KHNYN: variants seen among roughly 807,000 people sequenced by gnomAD.
KHNYN encodes the protein KH and NYN domain containing, also known as protein KHNYN.
KHNYN carries 42 observed loss-of-function variants against 62.7 expected under a neutral mutation model. That is an observed-to-expected ratio of 0.67 (90% confidence interval 0.52 to 0.87). The LOEUF (loss-of-function observed/expected upper bound fraction) is 0.87, where lower values mean the gene tolerates loss of function less well. KHNYN is among the 40% of genes least tolerant of loss of function. KHNYN has a pLI of 0.00. For synonymous variants in KHNYN, 347 were observed against 345.6 expected, an observed-to-expected ratio of 1.00 and a Z score of -0.04; for missense variants, 829 against 874.1, an observed-to-expected ratio of 0.95 and a Z score of 0.65.
chr14:24,436,558 T>C, intron 7 of KHNYN, 69 bp downstream of exon 7: 1 of 1,189,178 alleles, frequency 8.4e-7, no homozygotes, highest in Non-Finnish European at 1.2e-6. Flanking sequence ...GCCCAGAGAC[T>C]TGGGTGGAAG....
chr14:24,428,746 G>A (rs1171692845), upstream of KHNYN: 2 of 1,573,524 alleles, frequency 1.3e-6, no homozygotes, highest in Non-Finnish European at 1.7e-6. Flanking sequence ...ACAGGGGTAG[G>A]GGGATTACCT....
Position 24,441,289 on chromosome 14 carries a change from A to T in KHNYN, c.*4004A>T. 2.2e-6 allele frequency: 1 copy of T among 448,404 alleles called. No individual in the cohort carries two copies. Among genetic ancestry groups the T allele is most frequent in the South Asian group, 2.2e-5 (1 of 46,120 alleles). 27.8% of individuals were successfully genotyped at this position (448,404 alleles called of 1,614,324 possible). A position where few individuals can be genotyped will look rare whatever the true frequency, so the allele number is the denominator to read the frequency against. The stretch of plus-strand genomic sequence containing the variant: ...CTTTAAAATGGGAATAATAGTACCT[A>T]CCTCATAGGGTTGTTGTAAGGAATA... On this transcript the variant is annotated 3_prime_UTR_variant, in exon 8 of 8. Transcript: ENST00000553935.
upstream of KHNYN, chr14:24,428,393 C>T (rs746616266): frequency 1.5e-5 from 25 of 1,613,744 alleles, no homozygotes; most frequent in East Asian, 1.6e-4. Flanking sequence ...CCACCGCCCT[C>T]GTTCACCAGG....
chr14:24,432,297 C>T lies in KHNYN; in HGVS notation c.1036C>T (p.Arg346Trp), dbSNP rs372548430. The stretch of plus-strand genomic sequence containing the variant: ...GTCCCGAGGAGCCTCCCTCCTCCAG[C>T]GGCTCCACAATGGGAATGCCTCTCC... ...AQSRGASLLQ[R>W]LHNGNASPPR... The change falls in exon 3 of 8, where the codon CGG becomes TGG. Residue 346 changes from arginine to tryptophan, a missense_variant. By Grantham distance (101) the Arg-to-Trp change is moderately radical (BLOSUM62 -3). Coordinates refer to ENST00000553935, the MANE Select transcript of KHNYN (RefSeq NM_015299.3). The surrounding 1 kb of genome is among the most constrained non-coding windows in gnomAD (Gnocchi z 5.6). 3.7e-6 allele frequency: 6 copies of T among 1,614,008 alleles called. No individual in the cohort carries two copies. The highest frequency in any genetic ancestry group is 2.2e-5 in the East Asian group (1 of 44,866).
chr14:24,437,374 T>G lies in KHNYN; in HGVS notation c.*89T>G. 1.4e-6 allele frequency: 2 copies of G among 1,474,384 alleles called. No individual in the cohort carries two copies. The highest frequency in any genetic ancestry group is 1.8e-6 in the Non-Finnish European group (2 of 1,094,606). The allele number at this position is 1,474,384 out of a possible 1,614,324, so 91.3% of individuals were successfully genotyped here. On this transcript the variant is annotated 3_prime_UTR_variant, in exon 8 of 8. Transcript: ENST00000553935. The surrounding 1 kb of genome is among the most constrained non-coding windows in gnomAD (Gnocchi z 5.5). ...GTGAGAGTCCCTCTGCTGCTCACTC[T>G]GATCCAGAGGCACCCTGAGTTGGTG... is the stretch of plus-strand genomic sequence containing the variant.
upstream of KHNYN, chr14:24,429,760 G>A (rs1362169775): frequency 4.1e-6 from 4 of 985,326 alleles, no homozygotes; most frequent in African/African-American, 5.2e-5. Flanking sequence ...CAGAATGCGC[G>A]AGGACCCTGA....
chr14:24,439,981 A>G lies in KHNYN; in HGVS notation c.*2696A>G. 1 of 949,338 alleles carries G rather than the reference A, an allele frequency of 1.1e-6. No homozygotes were observed. Among genetic ancestry groups the G allele is most frequent in the East Asian group, 2.6e-5 (1 of 38,096 alleles). The allele number at this position is 949,338 out of a possible 1,614,324, so 58.8% of individuals were successfully genotyped here. A position where few individuals can be genotyped will look rare whatever the true frequency, so the allele number is the denominator to read the frequency against. On this transcript the variant is annotated 3_prime_UTR_variant, in exon 8 of 8. Coordinates refer to ENST00000553935, the MANE Select transcript of KHNYN (RefSeq NM_015299.3). ...GGAAAGAGGACTGGGAGAGGAATCT[A>G]AGAACCAGATGGCTTCAGCTCTCTA...
In KHNYN at chr14:24,431,938, CT is replaced by C; in HGVS notation, c.678del (p.Pro228LeufsTer75). 6.2e-7 allele frequency: 1 copy of C among 1,613,630 alleles called. No homozygotes were observed. Among genetic ancestry groups the C allele is most frequent in the South Asian group, 1.1e-5 (1 of 91,070 alleles). On this transcript the variant is annotated frameshift_variant, in exon 3 of 8. Transcript: ENST00000553935. LOFTEE classifies it high-confidence loss of function. ...GGTGCTCAGTGCCAAGGAGTGAGAG[CT>C]CCCCCTAGTGACGGCAGGGAGTCCC... is the stretch of plus-strand genomic sequence containing the variant. ...LLGAQCQGVR[A>X]PPSDGRESLD...
rs766515388 is a variant in KHNYN, at chr14:24,431,546, C to T, written c.285C>T (p.Ala95=). The change falls in exon 3 of 8, where the codon GCC becomes GCT. Residue 95 remains alanine, a synonymous_variant. Transcript: ENST00000553935. ...PPKLHCIFLG[A]QGFFLDCLAW... ...AACTGCACTGCATCTTTCTGGGAGC[C>T]CAGGGCTTCTTCCTTGACTGCCTGG... 1 of 1,612,288 alleles carries T rather than the reference C, an allele frequency of 6.2e-7. No individual in the cohort carries two copies. The highest frequency in any genetic ancestry group is 1.3e-5 in the African/African-American group (1 of 74,902).
At position 24,436,507 on chromosome 14, in the gene KHNYN, C is replaced by G; in HGVS notation, c.1787+18C>G. 6.3e-7 allele frequency: 1 copy of G among 1,582,248 alleles called. No homozygotes were observed. The highest frequency in any genetic ancestry group is 8.6e-7 in the Non-Finnish European group (1 of 1,156,812). On this transcript the variant is annotated intron_variant, in intron 7 of 7. Transcript: ENST00000553935. ...CCAGCCAGGTAATCAATCCCCTAGA[C>G]TACTTACAGGCAGCCCCCACCCCTG...
Position 24,440,131 on chromosome 14 carries a change from C to G in KHNYN, c.*2846C>G. 1 of 1,612,682 alleles carries G rather than the reference C, an allele frequency of 6.2e-7. No individual in the cohort carries two copies. Among genetic ancestry groups the G allele is most frequent in the African/African-American group, 1.3e-5 (1 of 75,062 alleles). ...CAGCCCCTAGCTCTGGGAAGGAATA[C>G]TGGTAGCCAGTGGCCAGTGTTCGCT... On this transcript the variant is annotated 3_prime_UTR_variant, in exon 8 of 8. Transcript: ENST00000553935.
chr14:24,428,692 A>G, upstream of KHNYN: 1 of 1,501,148 alleles, frequency 6.7e-7, no homozygotes, highest in Non-Finnish European at 9.0e-7. Context: ...GTGGGCTTGG[A>G]CAGTTGCTTC....
In KHNYN at chr14:24,436,422, A is replaced by G. The variant is rs553475678; in HGVS notation, c.1720A>G (p.Met574Val). The G allele has an allele frequency of 6.2e-7, 1 of 1,613,850 alleles. No homozygotes were observed. The highest frequency in any genetic ancestry group is 8.5e-7 in the Non-Finnish European group (1 of 1,179,944). The change falls in exon 7 of 8, where the codon ATG (methionine) becomes GTG (valine). Residue 574 changes from methionine to valine, a missense_variant. By Grantham distance (21) the Met-to-Val change is conservative. Transcript: ENST00000553935. ...LPFTFVGNLF[M>V]VPDDPLGRNG... ...CTTTACCTTTGTGGGAAACCTCTTC[A>G]TGGTACCTGATGACCCACTGGGGCG...
chr14:24,428,117 T>C (rs1032347786), upstream of KHNYN: 24 of 1,317,198 alleles, frequency 1.8e-5, no homozygotes, highest in Non-Finnish European at 2.4e-5. Context: ...GCGGCCAGCA[T>C]TGGACTCTGC....
At chr14:24,426,837 G>C (rs149547263), upstream of KHNYN, 1 of 152,482 alleles carries the variant, frequency 6.6e-6, no homozygotes, top group East Asian at 1.9e-4. Context: ...CACAGATCAG[G>C]AGAAAGAGAG....
chr14:24,440,174 C>T lies in KHNYN; in HGVS notation c.*2889C>T, dbSNP rs750740557. ...TGTTCGCTGTGGGATCACCTTCTGG[C>T]CCTCCAGCAGCATGATGGCACGCTG... is the stretch of plus-strand genomic sequence containing the variant. On this transcript the variant is annotated 3_prime_UTR_variant, in exon 8 of 8. Transcript: ENST00000553935. The T allele has an allele frequency of 2.0e-5, 33 of 1,613,846 alleles. No individual in the cohort carries two copies. The East Asian group carries it at 2.9e-4, about 14-fold the overall frequency.
chr14:24,428,013 C>T (rs1346379935), upstream of KHNYN: 1 of 1,604,480 alleles, frequency 6.2e-7, no homozygotes, highest in African/African-American at 1.3e-5. Flanking sequence ...AGTTAGCCCC[C>T]ATTCCCCAGC....
chr14:24,436,959 T>TA, intron 7 of KHNYN, 77 bp from the exon 8 acceptor site: 1 of 1,533,132 alleles, frequency 6.5e-7, no homozygotes, highest in Non-Finnish European at 8.8e-7. Flanking sequence ...GCAGGACAAT[T>TA]ACGAGAGGGG....
upstream of KHNYN, chr14:24,429,169 G>T: frequency 9.1e-7 from 1 of 1,103,508 alleles, no homozygotes; most frequent in Non-Finnish European, 1.3e-6. Context: ...CTCTAGGCTC[G>T]CTGAACCCCC....
Sources: gnomAD v4.1 joint callset for allele counts on GRCh38, gnomAD v4.1.1 for gene constraint, Gnocchi (gnomAD v3.1) non-coding constraint, MANE v1.5 for transcripts, NCBI Gene and HGNC (gene_info 2026-07-23, HGNC 2026-07-21) for gene names.